Variants in MTUS1 observed in about 807,000 individuals in gnomAD.
MTUS1 encodes microtubule-associated tumor suppressor 1.
A neutral mutation model predicts 120.8 loss-of-function variants in MTUS1; 109 were observed. The observed-to-expected ratio is 0.90, with a 90% confidence interval of 0.77 to 1.06. MTUS1 has a LOEUF of 1.06. Ranked by LOEUF, MTUS1 falls within the 50% of genes least tolerant of loss-of-function variation. The probability of loss-of-function intolerance (pLI) is 0.00; values close to 1 mark genes in which losing one functional copy is unlikely to be tolerated. For missense variants in MTUS1, 2,210 were observed against 1,486.3 expected (o/e 1.49, Z -8.01); for synonymous variants, 737 against 550.5 (o/e 1.34, Z -4.74).
intron 6 of MTUS1, among the ~76,000 whole-genome samples, chr8:17,686,957 G>C (rs1166415630): frequency 6.6e-6 from 1 of 152,076 alleles, no homozygotes. Context: ...AGTGAAATTC[G>C]AGGACATACA....
rs777033486 is a variant in MTUS1, at chr8:17,755,425, T to G, written c.383A>C (p.Glu128Ala). 1.9e-6 allele frequency: 3 copies of G among 1,614,216 alleles called. No individual in the cohort carries two copies. Among genetic ancestry groups the G allele is most frequent in the East Asian group, 4.5e-5 (2 of 44,888 alleles). ...CAAAGATGGCTCAACACTCTGGCCC[T>G]CAACTGCTTCTAGGGAATGACAACT... ...QHSCHSLEAV[E>A]GQSVEPSLPF... The change falls in exon 2 of 15, where the codon GAG becomes GCG. Residue 128 changes from glutamate to alanine, a missense_variant. Transcript: ENST00000693296.
At chr8:17,701,697 G>A (rs539610694) in intron 6 of MTUS1, among the ~76,000 whole-genome samples, 79 of 151,958 alleles carry the variant, frequency 5.2e-4, no homozygotes, top group Non-Finnish European at 7.1e-4. Flanking sequence ...ACAGGCGCCC[G>A]CCACCACGCC....
At chr8:17,740,997 C>G (rs1358667300) in intron 3 of MTUS1, among the ~76,000 whole-genome samples, 1 of 152,138 alleles carries the variant, frequency 6.6e-6, no homozygotes, top group East Asian at 1.9e-4. Flanking sequence ...TCCCCAATAG[C>G]TGGGATTACA....
intron 5 of MTUS1, among the ~76,000 whole-genome samples, chr8:17,714,894 CTTTTTTTTT>C (rs34479493): frequency 4.7e-4 from 26 of 55,192 alleles, no homozygotes; most frequent in African/African-American, 1.6e-3. Flanking sequence ...ACAAATAATG[CTTTTTTTTT>C]TTTTTTTTTT....
rs753247383 is a variant in MTUS1, at chr8:17,653,182, T to C, written c.3384+4A>G. 3.3e-6 allele frequency: 5 copies of C among 1,515,792 alleles called. No homozygotes were observed. The highest frequency in any genetic ancestry group is 4.4e-6 in the Non-Finnish European group (5 of 1,127,324). 93.9% of individuals were successfully genotyped at this position (1,515,792 alleles called of 1,614,324 possible). A position where few individuals can be genotyped will look rare whatever the true frequency, so the allele number is the denominator to read the frequency against. The stretch of plus-strand genomic sequence containing the variant: ...ATACTGATAAAGGAGCACACACAAC[T>C]TACCAAATTTGCTTTTTCTCTTGCT... On this transcript the variant is annotated splice_donor_region_variant and intron_variant, in intron 12 of 14. Transcript: ENST00000693296.
intron 1 of MTUS1, among the ~76,000 whole-genome samples, chr8:17,777,316 G>A (rs891625303): frequency 3.9e-5 from 6 of 151,908 alleles, no homozygotes; most frequent in East Asian, 1.9e-4. Flanking sequence ...GGCGCACACC[G>A]GTAATCCCAG....
chr8:17,702,553 C>T (rs116493465), intron 6 of MTUS1, among the ~76,000 whole-genome samples: 4,627 of 152,246 alleles, frequency 0.03, 123 homozygotes, highest in African/African-American at 0.068. Flanking sequence ...AGTTCCCATT[C>T]CCTGGCAACC....
At chr8:17,763,509 T>C (rs905793129) in intron 1 of MTUS1, among the ~76,000 whole-genome samples, 1 of 152,134 alleles carries the variant, frequency 6.6e-6, no homozygotes, top group African/African-American at 2.4e-5. Context: ...CCAGGAGAAG[T>C]GAAGTGACTT....
intron 6 of MTUS1, among the ~76,000 whole-genome samples, chr8:17,685,543 A>G (rs555808957): frequency 6.6e-6 from 1 of 152,210 alleles, no homozygotes; most frequent in Non-Finnish European, 1.5e-5. Context: ...TGTGGTAGCA[A>G]ATCTGAAACA....
At chr8:17,696,431 C>T (rs987362820) in intron 6 of MTUS1, among the ~76,000 whole-genome samples, 1 of 152,194 alleles carries the variant, frequency 6.6e-6, no homozygotes, top group Non-Finnish European at 1.5e-5. Flanking sequence ...ACATCCTCAT[C>T]AAACATTCCT....
Position 17,755,916 on chromosome 8 carries a change from G to A in MTUS1, c.-109C>T. 4.8e-6 allele frequency: 7 copies of A among 1,472,602 alleles called. No homozygotes were observed. The highest frequency in any genetic ancestry group is 5.4e-6 in the Non-Finnish European group (6 of 1,119,606). The allele number at this position is 1,472,602 out of a possible 1,614,324, so 91.2% of individuals were successfully genotyped here. ...TCTAGGTTTTTCAGCACAGTTGAAA[G>A]GTTTTCAGTCTAAGATGCTCTGAAG... On this transcript the variant is annotated 5_prime_UTR_variant, in exon 2 of 15. Transcript: ENST00000693296.
At chr8:17,727,969 C>A (rs545409842) in intron 3 of MTUS1, among the ~76,000 whole-genome samples, 1 of 152,236 alleles carries the variant, frequency 6.6e-6, no homozygotes, top group South Asian at 2.1e-4. Flanking sequence ...AAAATACTCA[C>A]CTCAGAAAAC....
At chr8:17,776,338 C>T (rs1277082406) in intron 1 of MTUS1, among the ~76,000 whole-genome samples, 5 of 149,634 alleles carry the variant, frequency 3.3e-5, no homozygotes. Context: ...ACGGTGGGGG[C>T]GGGGGTGATC....
chr8:17,761,257 G>C (rs1465645463), intron 1 of MTUS1, among the ~76,000 whole-genome samples: 1 of 152,108 alleles, frequency 6.6e-6, no homozygotes, highest in Non-Finnish European at 1.5e-5. Context: ...CTTAGCTTAA[G>C]AAAAGTGATT....
At chr8:17,690,232 A>C (rs1563208571) in intron 6 of MTUS1, among the ~76,000 whole-genome samples, 1 of 152,228 alleles carries the variant, frequency 6.6e-6, no homozygotes, top group African/African-American at 2.4e-5. Context: ...TGTTTCTCAA[A>C]AGAAGACACA....
intron 8 of MTUS1, among the ~76,000 whole-genome samples, chr8:17,673,701 C>T (rs1051515714): frequency 2.6e-5 from 4 of 152,116 alleles, no homozygotes; most frequent in Admixed American, 2.0e-4. Context: ...GTGATCCTCC[C>T]ACCTCAGCCT....
chr8:17,648,526 G>A (rs999007859), intron 13 of MTUS1, among the ~76,000 whole-genome samples: 5 of 152,156 alleles, frequency 3.3e-5, no homozygotes, highest in African/African-American at 4.8e-5. Flanking sequence ...AGACTCAGTC[G>A]AACAGGACGA....
chr8:17,769,214 C>CA (rs1348377366), intron 1 of MTUS1, among the ~76,000 whole-genome samples: 2 of 139,054 alleles, frequency 1.4e-5, no homozygotes, highest in East Asian at 2.1e-4. Context: ...AAGTTCATTC[C>CA]AAAAAATGCT....
intron 8 of MTUS1, among the ~76,000 whole-genome samples, chr8:17,666,557 T>C (rs1444353735): frequency 6.6e-6 from 1 of 152,192 alleles, no homozygotes; most frequent in East Asian, 1.9e-4. Context: ...CTGGGGCACC[T>C]ACATGAGAAC....
Sources: gnomAD v4.1 joint callset for allele counts (sites outside exome capture counted in the v4.1 genomes callset) on GRCh38, gnomAD v4.1.1 for gene constraint, MANE v1.5 for transcripts, NCBI Gene and HGNC (gene_info 2026-07-23, HGNC 2026-07-21) for gene names.